SETD5: variants seen among roughly 807,000 people sequenced by gnomAD.
The protein encoded by SETD5 is histone-lysine N-methyltransferase SETD5.
Under a neutral mutation model 153.3 loss-of-function variants are expected in SETD5, and 44 were observed. That is an observed-to-expected ratio of 0.29 (90% CI 0.23 to 0.37). The LOEUF (loss-of-function observed/expected upper bound fraction) is 0.37. Ranked by LOEUF, SETD5 falls within the 10% of genes least tolerant of loss-of-function variation. The pLI, the probability that SETD5 is intolerant of heterozygous loss-of-function variation, is 1.00. For synonymous variants in SETD5, 716 were observed against 645.2 expected, an observed-to-expected ratio of 1.11 and a Z score of -1.66; for missense variants, 1,544 against 1,768.0, an observed-to-expected ratio of 0.87 and a Z score of 2.27.
chr3:9,465,014 A>G, intron 18 of SETD5: 1 of 320,776 alleles, frequency 3.1e-6, no homozygotes, highest in South Asian at 3.1e-5. Flanking sequence ...AGCTGCCTGT[A>G]GTATCTGTTA....
At chr3:9,417,270 T>G (rs912274571) in intron 1 of SETD5, among the ~76,000 whole-genome samples, 4 of 152,160 alleles carry the variant, frequency 2.6e-5, no homozygotes, top group Admixed American at 2.6e-4. Context: ...TGTGGTTTGC[T>G]AAAAGTCTCC....
At chr3:9,409,331 C>T (rs1575185864) in intron 1 of SETD5, among the ~76,000 whole-genome samples, 1 of 152,014 alleles carries the variant, frequency 6.6e-6, no homozygotes, top group African/African-American at 2.4e-5. Flanking sequence ...GTTTTTTACC[C>T]CCTTATTTAC....
intron 18 of SETD5, among the ~76,000 whole-genome samples, chr3:9,467,092 G>A (rs1475038630): frequency 1.3e-5 from 2 of 151,318 alleles, no homozygotes; most frequent in African/African-American, 2.4e-5. Flanking sequence ...CCAGCTACTC[G>A]GGAGGCCAAG....
chr3:9,453,941 G>A (rs2042923015), intron 17 of SETD5, 73 bp downstream of exon 17: 8 of 1,400,882 alleles, frequency 5.7e-6, no homozygotes, highest in Non-Finnish European at 7.5e-6. Context: ...TTAAGTATGA[G>A]TATTTCTGAT....
intron 1 of SETD5, among the ~76,000 whole-genome samples, chr3:9,404,251 A>T (rs1338209280): frequency 6.6e-6 from 1 of 152,218 alleles, no homozygotes. Context: ...CCGATTAATA[A>T]CCAAAAAACT....
intron 3 of SETD5, chr3:9,431,853 C>T: frequency 6.1e-6 from 2 of 325,688 alleles, no homozygotes. Flanking sequence ...AAATCCATTC[C>T]TAATAAACAG....
Position 9,475,940 on chromosome 3 carries a change from G to A in SETD5, c.4178G>A (p.Ser1393Asn), listed in dbSNP as rs762422016. 1.9e-6 allele frequency: 3 copies of A among 1,613,998 alleles called. No individual in the cohort carries two copies. Among genetic ancestry groups the A allele is most frequent in the Non-Finnish European group, 2.5e-6 (3 of 1,179,898 alleles). The change falls in exon 23 of 23, where the codon AGT (serine) becomes AAT (asparagine). Residue 1393 changes from serine to asparagine, a missense_variant. Physicochemically the swap from Ser to Asn is conservative, Grantham distance 46. This residue lies in a region of SETD5 where 302 missense variants were observed against 277.6 expected (regional missense o/e 1.09). Coordinates refer to ENST00000402198, the MANE Select transcript of SETD5 (RefSeq NM_001080517.3). Reference sequence around the variant, plus strand: ...GACTTACGGACTATCAGTCTGCCCAGTGCTGGGCAGTCAGCTGTCTACCAG... The same window carrying A: ...GACTTACGGACTATCAGTCTGCCCAATGCTGGGCAGTCAGCTGTCTACCAG... ...PSDLRTISLP[S>N]AGQSAVYQAS...
At chr3:9,407,861 G>A (rs957145484) in intron 1 of SETD5, among the ~76,000 whole-genome samples, 9 of 152,014 alleles carry the variant, frequency 5.9e-5, no homozygotes, top group Admixed American at 2.6e-4. Context: ...TTAGCTGGGC[G>A]TGGTGGCGCA....
intron 10 of SETD5, chr3:9,442,772 T>TCA: frequency 5.9e-6 from 1 of 169,168 alleles, no homozygotes; most frequent in Non-Finnish European, 1.3e-5. Context: ...GCGCAGTGGC[T>TCA]CATGCCTGTA....
chr3:9,446,904 T>C, intron 13 of SETD5, 146 bp from the exon 14 acceptor site: 1 of 608,244 alleles, frequency 1.6e-6, no homozygotes, highest in Non-Finnish European at 2.9e-6. Flanking sequence ...TATTTTATTT[T>C]TAATCTTCTG....
chr3:9,433,925 A>G lies in SETD5; in HGVS notation c.152A>G (p.His51Arg). 2 of 1,613,932 alleles carry G rather than the reference A, an allele frequency of 1.2e-6. No homozygotes were observed. The highest frequency in any genetic ancestry group is 1.1e-5 in the South Asian group (1 of 91,082). ...STHNYGTTQR[H>R]GCRGLPYATI... ...CATAATTATGGGACCACTCAGAGGC[A>G]TGGGTGTCGAGGACTGCCTTATGCT... The change falls in exon 4 of 23, where the codon CAT (histidine) becomes CGT (arginine). Residue 51 changes from histidine (H) to arginine (R), a missense_variant. Coordinates refer to ENST00000402198, the MANE Select transcript of SETD5 (RefSeq NM_001080517.3).
chr3:9,430,321 G>A (rs779099819), intron 3 of SETD5: 439 of 983,078 alleles, frequency 4.5e-4, no homozygotes, highest in Non-Finnish European at 4.9e-4. Context: ...ATATTCTGGG[G>A]TAGTCTAAAA....
In SETD5 at chr3:9,434,346, C is replaced by T. The variant is rs995856475; in HGVS notation, c.190C>T (p.Arg64Cys). 10 of 1,613,650 alleles carry T rather than the reference C, an allele frequency of 6.2e-6. No individual in the cohort carries two copies. The highest frequency in any genetic ancestry group is 1.1e-5 in the South Asian group (1 of 91,072). Residue 64 changes from arginine (R) to cysteine (C), a missense_variant, in exon 5 of 23, where the codon CGT (arginine) becomes TGT (cysteine). Transcript: ENST00000402198. This position sits in a 1 kb window ranked among gnomAD's most constrained non-coding sequence, Gnocchi z 5.6. ...TCCCCCTGTCCAGACGATCATCCCT[C>T]GTTCTGACCTGAATGGCCTGCCGTC... ...RGLPYATIIP[R>C]SDLNGLPSPV...
chr3:9,407,768 AGGT>A (rs2035937239), intron 1 of SETD5, among the ~76,000 whole-genome samples: 1 of 152,150 alleles, frequency 6.6e-6, no homozygotes, highest in African/African-American at 2.4e-5. Flanking sequence ...TGGGATGCCA[AGGT>A]GGGCAGATCA....
In SETD5 at chr3:9,447,810, C is replaced by G; in HGVS notation, c.1907C>G (p.Ala636Gly). The G allele has an allele frequency of 6.2e-7, 1 of 1,613,972 alleles. No homozygotes were observed. Among genetic ancestry groups the G allele is most frequent in the Non-Finnish European group, 8.5e-7 (1 of 1,179,890 alleles). Residue 636 changes from alanine (A) to glycine (G), a missense_variant, in exon 15 of 23, where the codon GCC becomes GGC. Physicochemically the swap from Ala to Gly is moderately conservative, Grantham distance 60. Coordinates refer to ENST00000402198, the MANE Select transcript of SETD5 (RefSeq NM_001080517.3). ...SAQRLKRQKQ[A>G]NAQQAELSQA... ...CAAAGACTAAAGCGTCAGAAGCAGG[C>G]CAATGCACAGCAGGCAGAATTGTCA...
intron 1 of SETD5, among the ~76,000 whole-genome samples, chr3:9,411,521 G>C (rs747735711): frequency 1.3e-5 from 2 of 152,150 alleles, no homozygotes; most frequent in Non-Finnish European, 2.9e-5. Flanking sequence ...TGAAGAAATA[G>C]TGATTAAGAA....
chr3:9,469,318 T>C (rs1228690899), intron 18 of SETD5, among the ~76,000 whole-genome samples: 1 of 152,218 alleles, frequency 6.6e-6, no homozygotes, highest in East Asian at 1.9e-4. Context: ...GTTTCTATTA[T>C]AAGCTTTCAG....
At chr3:9,431,566 G>T in intron 3 of SETD5, 1 of 985,586 alleles carries the variant, frequency 1.0e-6, no homozygotes, top group African/African-American at 1.7e-5. Flanking sequence ...AAATTGCAGA[G>T]TTTCTTCATC....
Position 9,476,507 on chromosome 3 carries a change from C to G in SETD5, c.*416C>G, listed in dbSNP as rs953714441. The G allele has an allele frequency of 4.4e-5, 7 of 159,320 alleles. No homozygotes were observed. Among genetic ancestry groups the G allele is most frequent in the African/African-American group, 1.7e-4 (7 of 40,756 alleles). The allele number at this position is 159,320 out of a possible 1,614,324, so 9.9% of individuals were successfully genotyped here. ...TTCAAAGGAAAAAAAGTTAAAAGAG[C>G]CAATCTCAAAGCCCCAAGCCATCTG... On this transcript the variant is annotated 3_prime_UTR_variant, in exon 23 of 23. Coordinates refer to ENST00000402198, the MANE Select transcript of SETD5 (RefSeq NM_001080517.3).
Sources: allele counts gnomAD v4.1 joint callset (sites outside exome capture counted in the v4.1 genomes callset), GRCh38; gene constraint gnomAD v4.1.1; regional missense constraint gnomAD v4.1.1; non-coding constraint Gnocchi (gnomAD v3.1); transcripts MANE v1.5; gene names NCBI Gene and HGNC (gene_info 2026-07-23, HGNC 2026-07-21).